CCDC18: variants seen among roughly 807,000 people sequenced by gnomAD.
CCDC18 encodes the protein coiled-coil domain containing 18, also known as coiled-coil domain-containing protein 18.
Under a neutral mutation model 196.0 loss-of-function variants are expected in CCDC18, and 157 were observed. The observed-to-expected ratio is 0.80, with a 90% CI of 0.70 to 0.91. CCDC18 has a LOEUF of 0.91. CCDC18 is among the 40% of genes least tolerant of loss of function. The pLI, the probability that CCDC18 is intolerant of heterozygous loss-of-function variation, is 0.00. For synonymous variants in CCDC18, 482 were observed against 529.2 expected (o/e 0.91, Z 1.22); for missense variants, 1,465 against 1,611.6 (o/e 0.91, Z 1.56).
intron 17 of CCDC18, among the ~76,000 whole-genome samples, chr1:93,227,967 A>ATATATATATATATATATATATATAT: frequency 9.2e-6 from 1 of 108,714 alleles, no homozygotes; most frequent in East Asian, 2.3e-4. Flanking sequence ...CAAAAAAAAA[A>ATATATATATATATATATATATATAT]AAAAATATAT....
At chr1:93,201,364 C>G (rs1434478644) in intron 6 of CCDC18, among the ~76,000 whole-genome samples, 2 of 152,136 alleles carry the variant, frequency 1.3e-5, no homozygotes, top group African/African-American at 4.8e-5. Flanking sequence ...AGAGATGAGG[C>G]AACAAGGTTC....
intron 19 of CCDC18, 126 bp downstream of exon 19, chr1:93,236,516 A>G (rs1271609777): frequency 3.4e-6 from 3 of 880,246 alleles, no homozygotes; most frequent in South Asian, 2.0e-5. Flanking sequence ...CTGTGTTCCT[A>G]TTGCATTTTG....
intron 1 of CCDC18, among the ~76,000 whole-genome samples, chr1:93,182,372 C>G (rs997135632): frequency 6.6e-5 from 10 of 152,280 alleles, no homozygotes; most frequent in Non-Finnish European, 1.5e-4. Context: ...TTGAGCTTCT[C>G]TAAGTACATT....
At chr1:93,250,735 TAC>T (rs1662125974) in intron 23 of CCDC18, among the ~76,000 whole-genome samples, 2 of 152,196 alleles carry the variant, frequency 1.3e-5, no homozygotes, top group African/African-American at 4.8e-5. Context: ...TGTCTCTTTC[TAC>T]TGTCTTTGAT....
intron 17 of CCDC18, among the ~76,000 whole-genome samples, chr1:93,228,539 C>T (rs1271662287): frequency 5.9e-5 from 9 of 151,358 alleles, no homozygotes; most frequent in African/African-American, 1.9e-4. Flanking sequence ...AGATTTAATA[C>T]GGTCATGTCT....
chr1:93,269,220 G>A (rs556192944), intron 27 of CCDC18, among the ~76,000 whole-genome samples: 2 of 138,628 alleles, frequency 1.4e-5, no homozygotes, highest in East Asian at 2.2e-4. Context: ...GGTGGAAATC[G>A]AACAATGAGA....
In CCDC18 at chr1:93,185,459, G is replaced by A. The variant is rs985198827; in HGVS notation, c.304-886G>A. 2.6e-5 allele frequency among the ~76,000 whole-genome samples: 4 copies of A among 151,956 alleles called. No homozygotes were observed. In the South Asian group the frequency reaches 8.3e-4, roughly 31 times the overall value. ...ATAGTTCAAGTATCCAGTAATAGGGGGTTAGTTGAATAAACTAATGGTTTA... is the reference window on the plus strand; with the variant it reads ...ATAGTTCAAGTATCCAGTAATAGGGAGTTAGTTGAATAAACTAATGGTTTA... On this transcript the variant is annotated intron_variant, in intron 3 of 28. Coordinates refer to ENST00000690025, the MANE Select transcript of CCDC18 (RefSeq NM_001378204.1).
intron 23 of CCDC18, among the ~76,000 whole-genome samples, chr1:93,247,870 A>G (rs1016000812): frequency 6.6e-6 from 1 of 152,106 alleles, no homozygotes; most frequent in Non-Finnish European, 1.5e-5. Context: ...GACTCCCAGT[A>G]TTATACTGAA....
intron 26 of CCDC18, among the ~76,000 whole-genome samples, chr1:93,261,106 T>C: frequency 6.6e-6 from 1 of 152,228 alleles, no homozygotes; most frequent in Non-Finnish European, 1.5e-5. Context: ...TATAGTAGAA[T>C]GATTTATAAT....
At chr1:93,247,708 G>A (rs1009646968) in intron 23 of CCDC18, among the ~76,000 whole-genome samples, 12 of 152,180 alleles carry the variant, frequency 7.9e-5, no homozygotes, top group South Asian at 2.1e-4. Flanking sequence ...GAGACACCAC[G>A]CCAGCCCTGT....
At chr1:93,246,232 G>T in intron 22 of CCDC18, 28 bp downstream of exon 22, 2 of 1,494,392 alleles carry the variant, frequency 1.3e-6, no homozygotes, top group South Asian at 1.3e-5. Context: ...ATATTTTAAT[G>T]GAGTTTTCTG....
chr1:93,190,946 A>C, intron 4 of CCDC18: 1 of 861,672 alleles, frequency 1.2e-6, no homozygotes, highest in East Asian at 2.7e-5. Flanking sequence ...TCATATCGAC[A>C]CTTTCCCTGG....
Position 93,207,240 on chromosome 1 carries a change from G to C in CCDC18, c.1051G>C (p.Asp351His), listed in dbSNP as rs1284395861. Reference protein sequence around the residue: ...LKLESELENKDEILRDKFSLM... With the variant: ...LKLESELENKHEILRDKFSLM... The stretch of plus-strand genomic sequence containing the variant: ...GCTAGAGAGTGAGTTAGAGAACAAA[G>C]ACGAAATACTTAGAGACAAATTTTC... Residue 351 changes from aspartate to histidine, a missense_variant, in exon 9 of 29, where the codon GAC becomes CAC. Transcript: ENST00000690025. The C allele has an allele frequency of 6.2e-7, 1 of 1,613,582 alleles. No homozygotes were observed. Among genetic ancestry groups the C allele is most frequent in the Non-Finnish European group, 8.5e-7 (1 of 1,179,696 alleles).
intron 26 of CCDC18, among the ~76,000 whole-genome samples, chr1:93,260,922 T>C (rs570650504): frequency 1.3e-5 from 2 of 152,228 alleles, no homozygotes; most frequent in Non-Finnish European, 1.5e-5. Flanking sequence ...TCCAGCTTCA[T>C]CCATGTCCCT....
intron 17 of CCDC18, among the ~76,000 whole-genome samples, chr1:93,228,177 C>G (rs951123922): frequency 1.1e-4 from 16 of 151,678 alleles, no homozygotes; most frequent in Admixed American, 2.6e-4. Flanking sequence ...AAGCAGGGAC[C>G]CGCTACCATT....
In CCDC18 at chr1:93,183,384, A is replaced by G. The variant is rs1048807496; in HGVS notation, c.23A>G (p.Tyr8Cys). The G allele has an allele frequency of 9.4e-6, 15 of 1,588,702 alleles. No individual in the cohort carries two copies. Among genetic ancestry groups the G allele is most frequent in the Admixed American group, 8.6e-5 (5 of 57,852 alleles). MESSSSD[Y>C]YNKDNEEESL... is the part of the protein sequence containing the mutation. ...GAAATGGAATCTAGTTCATCAGACTACTATAATAAAGACAATGAAGAGGAA... is the reference window on the plus strand; with the variant it reads ...GAAATGGAATCTAGTTCATCAGACTGCTATAATAAAGACAATGAAGAGGAA... Residue 8 changes from tyrosine to cysteine, a missense_variant, in exon 2 of 29, where the codon TAC (tyrosine) becomes TGC (cysteine). Transcript: ENST00000690025.
rs371635918 is a variant in CCDC18, at chr1:93,214,848, A to G, written c.1601A>G (p.Gln534Arg). The G allele has an allele frequency of 9.9e-6, 16 of 1,613,656 alleles. No individual in the cohort carries two copies. In the African/African-American group the frequency reaches 1.9e-4, roughly 19 times the overall value. ...GAAGAACTACGTACTAAGCTGATAC[A>G]AATAGAAGCTGAAAATTCTGATTTG... Reference protein sequence around the residue: ...GIEELRTKLIQIEAENSDLKV... With the variant: ...GIEELRTKLIRIEAENSDLKV... The change falls in exon 12 of 29, where the codon CAA becomes CGA. Residue 534 changes from glutamine to arginine, a missense_variant. Transcript: ENST00000690025.
chr1:93,180,049 C>T (rs1196650191), upstream of CCDC18: 3 of 1,611,822 alleles, frequency 1.9e-6, no homozygotes, highest in African/African-American at 1.3e-5. Flanking sequence ...ATCCTCCGCA[C>T]TTACTTGGTA....
rs1354924706 is a variant in CCDC18 at position 93,264,684 on chromosome 1, A to G, written c.3685-17A>G. On this transcript the variant is annotated splice_polypyrimidine_tract_variant and intron_variant, in intron 26 of 28. Transcript: ENST00000690025. ...ATTTTTTTATTTTTTTTCTTTTCCAATTCTGGGGCTATATAGATGATTTCA... is the reference window on the plus strand; with the variant it reads ...ATTTTTTTATTTTTTTTCTTTTCCAGTTCTGGGGCTATATAGATGATTTCA... 7 of 1,501,436 alleles carry G rather than the reference A, an allele frequency of 4.7e-6. No homozygotes were observed. The highest frequency in any genetic ancestry group is 6.4e-6 in the Non-Finnish European group (7 of 1,099,324). 93.0% of individuals were successfully genotyped at this position (1,501,436 alleles called of 1,614,324 possible). A position where few individuals can be genotyped will look rare whatever the true frequency, so the allele number is the denominator to read the frequency against.
Sources: allele counts gnomAD v4.1 joint callset (sites outside exome capture counted in the v4.1 genomes callset), GRCh38; gene constraint gnomAD v4.1.1; transcripts MANE v1.5; gene names NCBI Gene and HGNC (gene_info 2026-07-23, HGNC 2026-07-21).